The following CUL3 variants were observed in gnomAD, a reference collection of about 807,000 sequenced individuals.
The protein encoded by CUL3 is cullin-3.
CUL3 carries 19 observed loss-of-function variants against 89.1 expected under a neutral mutation model. That is an observed-to-expected ratio of 0.21 (90% CI 0.15 to 0.31). CUL3 has a LOEUF of 0.31. Ranked by LOEUF, CUL3 falls within the 10% of genes least tolerant of loss-of-function variation. The pLI is 1.00. For missense variants in CUL3, 469 were observed against 942.3 expected (o/e 0.50, Z 6.58); for synonymous variants, 351 against 308.4 (o/e 1.14, Z -1.45).
chr2:224,486,204 C>T (rs1311475553), intron 13 of CUL3, among the ~76,000 whole-genome samples: 2 of 152,158 alleles, frequency 1.3e-5, no homozygotes, highest in Non-Finnish European at 2.9e-5. Flanking sequence ...AATGCCTCTT[C>T]TCCTCCAAAG....
chr2:224,484,274 A>G (rs1164358974), intron 13 of CUL3, among the ~76,000 whole-genome samples: 2 of 151,952 alleles, frequency 1.3e-5, no homozygotes, highest in African/African-American at 4.8e-5. Flanking sequence ...ACTCCCTCAC[A>G]CCCTCTTCAA....
intron 6 of CUL3, 67 bp from the exon 7 acceptor site, chr2:224,507,070 C>A (rs866466712): frequency 6.3e-6 from 9 of 1,422,458 alleles, no homozygotes; most frequent in African/African-American, 1.4e-5. Context: ...TCTCTGTTCA[C>A]GCTATAATAC....
intron 5 of CUL3, 39 bp from the exon 6 acceptor site, chr2:224,511,621 G>A (rs1287255032): frequency 8.3e-7 from 1 of 1,211,270 alleles, no homozygotes; most frequent in Admixed American, 2.6e-5. Context: ...AAACATAGAA[G>A]AAAAGAGTGT....
At chr2:224,583,315 C>T (rs1695486393) in intron 1 of CUL3, among the ~76,000 whole-genome samples, 1 of 152,098 alleles carries the variant, frequency 6.6e-6, no homozygotes, top group Admixed American at 6.6e-5. Flanking sequence ...TAGCTGAGAT[C>T]ACGCCATTGT....
At chr2:224,530,700 A>G (rs2106254823) in intron 3 of CUL3, among the ~76,000 whole-genome samples, 1 of 152,306 alleles carries the variant, frequency 6.6e-6, no homozygotes, top group East Asian at 1.9e-4. Context: ...TGAGCCCAGG[A>G]GTTCGAGACC....
At chr2:224,508,008 T>C (rs761995403) in intron 6 of CUL3, among the ~76,000 whole-genome samples, 2 of 152,140 alleles carry the variant, frequency 1.3e-5, no homozygotes, top group South Asian at 2.1e-4. Flanking sequence ...AGCAAGAAAG[T>C]AGCCACAGAT....
At chr2:224,497,024 G>A (rs1692194371) in intron 12 of CUL3, among the ~76,000 whole-genome samples, 2 of 151,956 alleles carry the variant, frequency 1.3e-5, no homozygotes, top group Non-Finnish European at 2.9e-5. Context: ...ATCAAAATTA[G>A]AATATTTTTA....
intron 7 of CUL3, 53 bp from the exon 8 acceptor site, chr2:224,506,185 A>G: frequency 3.3e-6 from 4 of 1,224,634 alleles, no homozygotes; most frequent in Admixed American, 5.0e-5. Context: ...TTCCATAAAT[A>G]ATACACTTAT....
In CUL3 at chr2:224,506,022, G is replaced by A. The variant is rs2106203079; in HGVS notation, c.1140C>T (p.Leu380=). ...AGAGGTATTCAGGAGACCTGGAGTT[G>A]AGGTTGAGAAAATACTCAAAGTCAC... The part of the protein sequence containing the change: ...IAGDFEYFLN[L]NSRSPEYLSL... The change falls in exon 8 of 16, where the codon CTC becomes CTT. Residue 380 remains leucine, a synonymous_variant. Coordinates refer to ENST00000264414, the MANE Select transcript of CUL3 (RefSeq NM_003590.5). 1 of 1,612,278 alleles carries A rather than the reference G, an allele frequency of 6.2e-7. No individual in the cohort carries two copies. The highest frequency in any genetic ancestry group is 8.5e-7 in the Non-Finnish European group (1 of 1,178,890).
chr2:224,583,459 T>C (rs1482249392), intron 1 of CUL3, among the ~76,000 whole-genome samples: 2 of 152,198 alleles, frequency 1.3e-5, no homozygotes, highest in African/African-American at 2.4e-5. Flanking sequence ...GGAAAATTAA[T>C]ATCACTCACA....
rs763708559 is a variant in CUL3 at position 224,511,343 on chromosome 2, G to T, written c.883+11C>A. On this transcript the variant is annotated intron_variant, in intron 6 of 15. Coordinates refer to ENST00000264414, the MANE Select transcript of CUL3 (RefSeq NM_003590.5). The stretch of plus-strand genomic sequence containing the variant: ...TAAGGATTTAATTATTTTTCAATCG[G>T]TAACACTTACCTTCTGTCTTTCCAT... 6 of 1,547,434 alleles carry T rather than the reference G, an allele frequency of 3.9e-6. No homozygotes were observed. Among genetic ancestry groups the T allele is most frequent in the Non-Finnish European group, 5.3e-6 (6 of 1,132,882 alleles).
intron 3 of CUL3, among the ~76,000 whole-genome samples, chr2:224,521,227 T>G (rs1693246879): frequency 6.6e-6 from 1 of 152,152 alleles, no homozygotes; most frequent in Non-Finnish European, 1.5e-5. Context: ...ACTTAAAAAT[T>G]GTTATTTTAT....
At chr2:224,487,290 C>T (rs376294557) in intron 13 of CUL3, among the ~76,000 whole-genome samples, 1 of 151,944 alleles carries the variant, frequency 6.6e-6, no homozygotes, top group African/African-American at 2.4e-5. Flanking sequence ...CGTAAAGGGG[C>T]TAAATGCCCC....
chr2:224,550,890 T>C (rs1013732877), intron 2 of CUL3, among the ~76,000 whole-genome samples: 2 of 152,138 alleles, frequency 1.3e-5, no homozygotes, highest in Admixed American at 6.5e-5. Context: ...CTAACGTACA[T>C]ATAATTAATT....
At chr2:224,491,686 T>C (rs1180249401) in intron 13 of CUL3, among the ~76,000 whole-genome samples, 1 of 152,186 alleles carries the variant, frequency 6.6e-6, no homozygotes, top group Non-Finnish European at 1.5e-5. Flanking sequence ...ACTACTACAA[T>C]GATTTAGTTT....
chr2:224,540,205 C>T lies in CUL3; in HGVS notation c.265-4564G>A, dbSNP rs553480766. ...ACAAGTAGATGGGATTACAGGTGTG[C>T]GCCACCACACCTGGCTAATTTTTGT... On this transcript the variant is annotated intron_variant, in intron 2 of 15. Transcript: ENST00000264414. Among the ~76,000 whole-genome samples the T allele has an allele frequency of 1.8e-4, 28 of 151,812 alleles. No individual in the cohort carries two copies. In the East Asian group the frequency reaches 2.1e-3, roughly 12 times the overall value.
At chr2:224,516,318 CTT>C (rs68130414) in intron 3 of CUL3, among the ~76,000 whole-genome samples, 6,620 of 133,330 alleles carry the variant, frequency 0.05, 161 homozygotes, top group African/African-American at 0.078. Context: ...TTTTTGTTTG[CTT>C]TTTTTTTTTT....
chr2:224,513,995 T>C (rs1574646392), intron 4 of CUL3, among the ~76,000 whole-genome samples: 1 of 152,198 alleles, frequency 6.6e-6, no homozygotes, highest in African/African-American at 2.4e-5. Context: ...CTGGGCAATA[T>C]AACTTTTTGC....
intron 3 of CUL3, among the ~76,000 whole-genome samples, chr2:224,528,824 T>TTGCAGAACACCTTTGC (rs796816300): frequency 1.3e-5 from 2 of 152,216 alleles, no homozygotes; most frequent in South Asian, 4.2e-4. Flanking sequence ...TCAGAATAAT[T>TTGCAGAACACCTTTGC]TGCAGAACAC....
Sources: allele counts gnomAD v4.1 joint callset (sites outside exome capture counted in the v4.1 genomes callset), GRCh38; gene constraint gnomAD v4.1.1; transcripts MANE v1.5; gene names NCBI Gene and HGNC (gene_info 2026-07-23, HGNC 2026-07-21).